The following CDKN2B-AS1 variants were observed in gnomAD, a reference collection of about 807,000 sequenced individuals.
CDKN2B-AS1 encodes CDKN2B and CDKN2A antisense cis and trans regulatory RNA 1, also known as CDKN2B antisense RNA 1 (non-protein coding).
At chr9:22,028,754 G>A (rs1295996883) in intron 1 of CDKN2B-AS1, among the ~76,000 whole-genome samples, 2 of 152,120 alleles carry the variant, frequency 1.3e-5, no homozygotes, top group Non-Finnish European at 2.9e-5. Context: ...TGATCTTTAT[G>A]TATGGTTTGT....
At chr9:22,095,628 A>G (rs983117268) in intron 4 of CDKN2B-AS1, among the ~76,000 whole-genome samples, 9 of 150,188 alleles carry the variant, frequency 6.0e-5, no homozygotes, top group African/African-American at 2.3e-4. Context: ...GCTGACTTCA[A>G]TTCCTGGATA....
intron 4 of CDKN2B-AS1, among the ~76,000 whole-genome samples, chr9:22,121,589 T>C (rs1425380565): frequency 1.3e-5 from 2 of 152,108 alleles, no homozygotes; most frequent in Admixed American, 1.3e-4. Context: ...GTATCCTCTG[T>C]TCTACTTTTT....
At chr9:22,012,547 C>A in intron 1 of CDKN2B-AS1, 1 of 581,160 alleles carries the variant, frequency 1.7e-6, no homozygotes, top group South Asian at 1.5e-5. Flanking sequence ...AAGGCTCTTC[C>A]TTCCTCGGAG....
At chr9:22,110,998 G>A (rs115817913) in intron 4 of CDKN2B-AS1, among the ~76,000 whole-genome samples, 1 of 152,138 alleles carries the variant, frequency 6.6e-6, no homozygotes, top group Admixed American at 6.5e-5. Flanking sequence ...ATATTGATGT[G>A]TGTAGCTATA....
rs76810097 is a variant in CDKN2B-AS1, at chr9:22,027,715, C to T, written n.30-19036C>T. Among the ~76,000 whole-genome samples, 1,376 of 152,178 alleles carry T rather than the reference C, an allele frequency of 9.0e-3. 113 individuals are homozygous for T. In the East Asian group the frequency reaches 0.2, roughly 22 times the overall value. On this transcript the variant is annotated intron_variant and non_coding_transcript_variant, in intron 1 of 4. Coordinates refer to ENST00000650946, the Ensembl canonical transcript of CDKN2B-AS1. Reference sequence around the variant, plus strand: ...CTCTTTTCGGTCCTCAAAATACATCCGTGACAAAGAGTAAAAGATTCCTGT... The same window carrying T: ...CTCTTTTCGGTCCTCAAAATACATCTGTGACAAAGAGTAAAAGATTCCTGT...
At chr9:22,069,709 T>C (rs1824210289) in intron 4 of CDKN2B-AS1, among the ~76,000 whole-genome samples, 1 of 152,170 alleles carries the variant, frequency 6.6e-6, no homozygotes, top group African/African-American at 2.4e-5. Context: ...GTAATATCAA[T>C]ACCTTACTGT....
intron 4 of CDKN2B-AS1, among the ~76,000 whole-genome samples, chr9:22,087,298 A>C (rs945008617): frequency 6.6e-6 from 1 of 152,222 alleles, no homozygotes; most frequent in Non-Finnish European, 1.5e-5. Context: ...GTGCTATGGA[A>C]GCCATCTTCA....
chr9:22,126,634 G>A (rs925057792), intron 4 of CDKN2B-AS1, among the ~76,000 whole-genome samples: 1 of 143,306 alleles, frequency 7.0e-6, no homozygotes, highest in Non-Finnish European at 1.5e-5. Context: ...CTGCAGTGGC[G>A]CTATCTCGGC....
intron 4 of CDKN2B-AS1, among the ~76,000 whole-genome samples, chr9:22,126,960 C>T (rs193151451): frequency 9.2e-5 from 14 of 152,276 alleles, no homozygotes; most frequent in Admixed American, 5.9e-4. Context: ...AGAAGAATGA[C>T]ATTATGCATC....
intron 1 of CDKN2B-AS1, chr9:22,029,754 A>G: frequency 2.6e-6 from 1 of 382,044 alleles, no homozygotes. Flanking sequence ...TCATGTGTTT[A>G]TTCTGACAGT....
intron 4 of CDKN2B-AS1, among the ~76,000 whole-genome samples, chr9:22,122,219 T>A (rs1043372918): frequency 1.3e-5 from 2 of 152,118 alleles, no homozygotes; most frequent in Admixed American, 1.3e-4. Flanking sequence ...AAACGTCTGT[T>A]CAGATCATTT....
rs189793623 is a variant in CDKN2B-AS1, at chr9:22,012,278, C to T, written n.29+17117C>T. 1.0e-5 allele frequency: 15 copies of T among 1,470,266 alleles called. No homozygotes were observed. In the Admixed American group the frequency reaches 1.9e-4, roughly 18 times the overall value. 91.1% of individuals were successfully genotyped at this position (1,470,266 alleles called of 1,614,324 possible). On this transcript the variant is annotated intron_variant and non_coding_transcript_variant, in intron 1 of 4. Transcript: ENST00000650946. ...GGAGGGTATCCCCCCTGACAAGCAG[C>T]GTCTGATATTTGCCAGCAAACAGCT...
chr9:22,067,673 C>G (rs1824115777), intron 4 of CDKN2B-AS1, among the ~76,000 whole-genome samples: 1 of 152,136 alleles, frequency 6.6e-6, no homozygotes, highest in African/African-American at 2.4e-5. Flanking sequence ...TAGCACAGAG[C>G]TGGCCACATA....
intron 4 of CDKN2B-AS1, among the ~76,000 whole-genome samples, chr9:22,087,960 A>G (rs1424743853): frequency 6.6e-6 from 1 of 152,232 alleles, no homozygotes; most frequent in African/African-American, 2.4e-5. Flanking sequence ...TGTTGAAAGG[A>G]GAGACTAGGG....
chr9:22,039,981 C>T lies in CDKN2B-AS1; in HGVS notation n.30-6770C>T, dbSNP rs1822834587. Reference sequence around the variant, plus strand: ...TAGAGACATGCACTGGGAGAATGCTCTCTGAAGACTGGAGTTATGCTGCTA... The same window carrying T: ...TAGAGACATGCACTGGGAGAATGCTTTCTGAAGACTGGAGTTATGCTGCTA... On this transcript the variant is annotated intron_variant and non_coding_transcript_variant, in intron 1 of 4. Coordinates refer to ENST00000650946, the Ensembl canonical transcript of CDKN2B-AS1. This position sits in a 1 kb window ranked among gnomAD's most constrained non-coding sequence, Gnocchi z 4.4. Among the ~76,000 whole-genome samples the T allele has an allele frequency of 6.6e-6, 1 of 152,004 alleles. No homozygotes were observed. The highest frequency in any genetic ancestry group is 2.1e-4 in the South Asian group (1 of 4,814).
intron 4 of CDKN2B-AS1, among the ~76,000 whole-genome samples, chr9:22,061,101 T>G (rs1823801467): frequency 6.6e-6 from 1 of 152,204 alleles, no homozygotes; most frequent in Non-Finnish European, 1.5e-5. Flanking sequence ...AGCACATTTC[T>G]TTTTCTTGCA....
intron 1 of CDKN2B-AS1, among the ~76,000 whole-genome samples, chr9:22,033,838 T>C (rs1012367425): frequency 1.3e-5 from 2 of 152,188 alleles, no homozygotes; most frequent in African/African-American, 4.8e-5. Context: ...GCCAGATGCT[T>C]TGTTGGCACT....
intron 4 of CDKN2B-AS1, among the ~76,000 whole-genome samples, chr9:22,067,700 T>C (rs531030787): frequency 1.3e-5 from 2 of 152,290 alleles, no homozygotes; most frequent in Admixed American, 1.3e-4. Flanking sequence ...GTTTCATAAA[T>C]GCTTGTTGAT....
At chr9:22,119,100 G>C (rs1259935519) in intron 4 of CDKN2B-AS1, 2 of 151,696 alleles carry the variant, frequency 1.3e-5, no homozygotes, top group African/African-American at 4.8e-5. Context: ...GTAGAATTTT[G>C]TGCCTCAGTT....
Sources: allele counts gnomAD v4.1 joint callset (sites outside exome capture counted in the v4.1 genomes callset), GRCh38; gene constraint gnomAD v4.1.1; non-coding constraint Gnocchi (gnomAD v3.1); transcripts MANE v1.5; gene names NCBI Gene and HGNC (gene_info 2026-07-23, HGNC 2026-07-21).